Variants in PCDH15 observed in about 807,000 individuals in gnomAD.
PCDH15 encodes the protein protocadherin-15.
A neutral mutation model predicts 178.5 loss-of-function variants in PCDH15; 129 were observed. The observed-to-expected ratio is 0.72, with a 90% CI of 0.63 to 0.84. The LOEUF (loss-of-function observed/expected upper bound fraction) is 0.84, where lower values mean the gene tolerates loss of function less well. Ranked by LOEUF, PCDH15 falls within the 40% of genes least tolerant of loss-of-function variation. The pLI, the probability that PCDH15 is intolerant of heterozygous loss-of-function variation, is 0.00. For synonymous variants in PCDH15, 800 were observed against 732.0 expected (o/e 1.09, Z -1.50); for missense variants, 2,230 against 2,099.9 (o/e 1.06, Z -1.21).
chr10:53,871,347 A>G (rs2079835606), intron 26 of PCDH15, among the ~76,000 whole-genome samples: 1 of 152,070 alleles, frequency 6.6e-6, no homozygotes, highest in Admixed American at 6.5e-5. Flanking sequence ...TCTCAAAAAA[A>G]CAAAACAACA....
chr10:55,543,381 A>ATT lies in PCDH15; in HGVS notation c.-156+84243_-156+84244insAA, dbSNP rs1481155889. ...TTTAAATACTACATATAATGCCTGT[A>ATT]TATATATATATGTATATATAAAAAT... On this transcript the variant is annotated intron_variant, in intron 2 of 5. Transcript: ENST00000613346. Among the ~76,000 whole-genome samples the ATT allele has an allele frequency of 2.7e-5, 4 of 149,172 alleles. No homozygotes were observed. The Admixed American group carries it at 2.7e-4, about 10-fold the overall frequency.
At chr10:55,452,243 C>CCG (rs10688276) in intron 2 of PCDH15, among the ~76,000 whole-genome samples, 1 of 151,796 alleles carries the variant, frequency 6.6e-6, no homozygotes, top group Admixed American at 6.6e-5. Flanking sequence ...AAACCAAAGA[C>CCG]GAGTGTAAAT....
At chr10:54,860,222 T>C (rs997423053) in intron 3 of PCDH15, among the ~76,000 whole-genome samples, 1 of 152,082 alleles carries the variant, frequency 6.6e-6, no homozygotes, top group Non-Finnish European at 1.5e-5. Context: ...TTGCTGAGGA[T>C]TGTGGTACAA....
At chr10:55,388,489 T>G (rs186305628) in intron 2 of PCDH15, among the ~76,000 whole-genome samples, 1 of 152,218 alleles carries the variant, frequency 6.6e-6, no homozygotes, top group African/African-American at 2.4e-5. Context: ...AGACTTAAAC[T>G]TCTGTCTGTC....
In PCDH15 at chr10:55,444,229, C is replaced by G. The variant is rs141375883; in HGVS notation, c.-156+183396G>C. Among the ~76,000 whole-genome samples the G allele has an allele frequency of 3.0e-3, 459 of 151,006 alleles. 6 individuals are homozygous for G. Among genetic ancestry groups the G allele is most frequent in the African/African-American group, 0.011 (436 of 41,088 alleles). Reference sequence around the variant, plus strand: ...AGCAAACCACCATGGCACGTGTATACCTATGTAACAAACCTGCACATTCTG... The same window carrying G: ...AGCAAACCACCATGGCACGTGTATAGCTATGTAACAAACCTGCACATTCTG... On this transcript the variant is annotated intron_variant, in intron 2 of 5. Coordinates refer to the PCDH15 transcript ENST00000613346.
At chr10:54,217,713 G>A (rs2052259098) in intron 9 of PCDH15, among the ~76,000 whole-genome samples, 2 of 151,920 alleles carry the variant, frequency 1.3e-5, no homozygotes, top group South Asian at 4.2e-4. Context: ...TAGAAGCGAT[G>A]AATATTTCTA....
chr10:53,888,300 A>ATATGTATATG (rs1554845153), intron 26 of PCDH15, among the ~76,000 whole-genome samples: 1 of 82,018 alleles, frequency 1.2e-5, no homozygotes, highest in African/African-American at 5.0e-5. Flanking sequence ...ACATATATAT[A>ATATGTATATG]TATATATATG....
intron 2 of PCDH15, among the ~76,000 whole-genome samples, chr10:55,584,004 A>C (rs11004922): frequency 0.031 from 4,733 of 151,962 alleles, 111 homozygotes; most frequent in Middle Eastern, 0.082. Context: ...CAGCCTCCCC[A>C]GTAGCTGGGA....
chr10:54,881,629 CTG>C (rs1954263445), intron 3 of PCDH15, among the ~76,000 whole-genome samples: 1 of 152,024 alleles, frequency 6.6e-6, no homozygotes, highest in African/African-American at 2.4e-5. Context: ...ACAATTAACA[CTG>C]TGAATCATCC....
At position 53,848,570 on chromosome 10, in the gene PCDH15, C is replaced by A. The variant is rs1485629681; in HGVS notation, c.3807-8074G>T. On this transcript the variant is annotated intron_variant, in intron 28 of 37. Transcript: ENST00000644397. The stretch of plus-strand genomic sequence containing the variant: ...AAAATAAAAACATAAATAAAGTTGT[C>A]TGGAAATGTTTTTTTCCTTAGTGTT... 2.6e-5 allele frequency among the ~76,000 whole-genome samples: 4 copies of A among 151,996 alleles called. No individual in the cohort carries two copies. The South Asian group carries it at 8.3e-4, about 32-fold the overall frequency.
At chr10:55,306,699 T>A (rs1405139290) in intron 1 of PCDH15, among the ~76,000 whole-genome samples, 2 of 152,238 alleles carry the variant, frequency 1.3e-5, no homozygotes, top group African/African-American at 4.8e-5. Context: ...TAAGAGATGC[T>A]TATTGATTGC....
chr10:54,169,282 G>A (rs55719778), intron 13 of PCDH15, among the ~76,000 whole-genome samples: 1 of 40,978 alleles, frequency 2.4e-5, no homozygotes, highest in East Asian at 2.2e-4. Flanking sequence ...GCCGAGCTTC[G>A]GGTAACTCTC....
intron 3 of PCDH15, among the ~76,000 whole-genome samples, chr10:54,501,332 G>C (rs935401262): frequency 6.6e-6 from 1 of 151,710 alleles, no homozygotes. Context: ...AAAAAGATTT[G>C]AGAATATTGG....
intron 1 of PCDH15, among the ~76,000 whole-genome samples, chr10:55,226,476 G>C (rs1221558178): frequency 6.6e-6 from 1 of 151,786 alleles, no homozygotes; most frequent in Admixed American, 6.6e-5. Context: ...CTGTCTCCTG[G>C]GTTCAAGCAA....
At chr10:54,692,746 T>C (rs1037036012) in intron 1 of PCDH15, among the ~76,000 whole-genome samples, 4 of 43,278 alleles carry the variant, frequency 9.2e-5, no homozygotes, top group Admixed American at 4.5e-4. Flanking sequence ...ATCAATCTGA[T>C]AGGAATGTCA....
chr10:54,421,929 C>CTATATATATATACACTATATA (rs1565232430), intron 3 of PCDH15, among the ~76,000 whole-genome samples: 2 of 105,732 alleles, frequency 1.9e-5, no homozygotes, highest in Non-Finnish European at 3.7e-5. Context: ...TATATATACA[C>CTATATATATATACACTATATA]TATATATATA....
chr10:54,659,647 AG>A (rs1302176598), intron 2 of PCDH15, among the ~76,000 whole-genome samples: 1 of 151,716 alleles, frequency 6.6e-6, no homozygotes, highest in Non-Finnish European at 1.5e-5. Context: ...CCAGCTACTC[AG>A]GAAACTGAGG....
intron 2 of PCDH15, among the ~76,000 whole-genome samples, chr10:55,508,409 C>T (rs1313749269): frequency 6.6e-6 from 1 of 151,700 alleles, no homozygotes; most frequent in Non-Finnish European, 1.5e-5. Context: ...GTTTAAAAAG[C>T]ATTGCTACAT....
At chr10:55,069,013 T>A (rs1841643763) in intron 2 of PCDH15, among the ~76,000 whole-genome samples, 1 of 151,624 alleles carries the variant, frequency 6.6e-6, no homozygotes, top group South Asian at 2.1e-4. Flanking sequence ...TTCTTGTGCC[T>A]CACCCTCCGA....
Sources: allele counts gnomAD v4.1 joint callset (sites outside exome capture counted in the v4.1 genomes callset), GRCh38; gene constraint gnomAD v4.1.1; transcripts MANE v1.5; gene names NCBI Gene and HGNC (gene_info 2026-07-23, HGNC 2026-07-21).